The following DYNLT2B variants were observed in gnomAD, a reference collection of about 807,000 sequenced individuals.
DYNLT2B encodes dynein light chain Tctex-type 2B.
DYNLT2B carries 14 observed loss-of-function variants against 19.5 expected under a neutral mutation model. That is an observed-to-expected ratio of 0.72 (90% CI 0.47 to 1.12). The LOEUF is 1.12. DYNLT2B is among the 50% of genes most tolerant of loss of function. The pLI is 0.00. For missense variants in DYNLT2B, 133 were observed against 174.7 expected (o/e 0.76, Z 1.35); for synonymous variants, 70 against 59.7 (o/e 1.17, Z -0.79).
At chr3:196,310,471 C>T (rs2108796180) in intron 2 of DYNLT2B, among the ~76,000 whole-genome samples, 1 of 151,764 alleles carries the variant, frequency 6.6e-6, no homozygotes, top group South Asian at 2.1e-4. Flanking sequence ...CTCTGTCGCT[C>T]AGGCTGGAGT....
intron 2 of DYNLT2B, among the ~76,000 whole-genome samples, chr3:196,310,745 G>GT (rs1254198961): frequency 6.7e-6 from 1 of 150,058 alleles, no homozygotes; most frequent in African/African-American, 2.5e-5. Context: ...TTTTGTTTTT[G>GT]TTTTTTTGGA....
intron 2 of DYNLT2B, among the ~76,000 whole-genome samples, chr3:196,311,258 T>C (rs1012157747): frequency 4.0e-5 from 6 of 151,604 alleles, no homozygotes; most frequent in African/African-American, 1.5e-4. Context: ...CTACAAAAAA[T>C]ACAAAAATTA....
chr3:196,311,400 CAAA>C (rs530921121), intron 2 of DYNLT2B, among the ~76,000 whole-genome samples: 4 of 102,402 alleles, frequency 3.9e-5, no homozygotes, highest in African/African-American at 3.9e-5. Flanking sequence ...GACCCTGTCT[CAAA>C]AAAAAAAAAA....
At chr3:196,311,541 A>G (rs1474009773) in intron 2 of DYNLT2B, among the ~76,000 whole-genome samples, 1 of 152,168 alleles carries the variant, frequency 6.6e-6, no homozygotes, top group African/African-American at 2.4e-5. Context: ...ATTCAGAGAT[A>G]TAAGGAAATT....
In DYNLT2B at chr3:196,318,198, G is replaced by T. The variant is rs1343764898; in HGVS notation, c.-46C>A. ...GCGTAGCTCGCGATGAAGGCCTAGCGGGTTGCGGTCGCGGCCGGCAGCAGG... is the reference window on the plus strand; with the variant it reads ...GCGTAGCTCGCGATGAAGGCCTAGCTGGTTGCGGTCGCGGCCGGCAGCAGG... On this transcript the variant is annotated 5_prime_UTR_variant, in exon 1 of 5. Transcript: ENST00000325318. The T allele has an allele frequency of 4.9e-6, 6 of 1,224,794 alleles. No individual in the cohort carries two copies. The highest frequency in any genetic ancestry group is 6.6e-6 in the Non-Finnish European group (6 of 906,626). The allele number at this position is 1,224,794 out of a possible 1,614,324, so 75.9% of individuals were successfully genotyped here. A position where few individuals can be genotyped will look rare whatever the true frequency, so the allele number is the denominator to read the frequency against.
intron 2 of DYNLT2B, 50 bp from the exon 3 acceptor site, chr3:196,307,062 C>T: frequency 6.5e-7 from 1 of 1,539,184 alleles, no homozygotes; most frequent in South Asian, 1.1e-5. Context: ...AGTAAAATTA[C>T]TTATTGAAGA....
At chr3:196,301,421 TAAC>T (rs1438755871) in intron 3 of DYNLT2B, among the ~76,000 whole-genome samples, 1 of 151,984 alleles carries the variant, frequency 6.6e-6, no homozygotes, top group African/African-American at 2.4e-5. Flanking sequence ...AACATAAAAA[TAAC>T]TACTGTGGCT....
At chr3:196,292,192 T>C (rs568110173) in intron 4 of DYNLT2B, 11 of 152,318 alleles carry the variant, frequency 7.2e-5, no homozygotes, top group Middle Eastern at 3.4e-3. Flanking sequence ...TAGTTCAGAA[T>C]CACAAAATGC....
chr3:196,314,595 T>C (rs1726727094), intron 2 of DYNLT2B, among the ~76,000 whole-genome samples: 1 of 151,896 alleles, frequency 6.6e-6, no homozygotes, highest in Admixed American at 6.6e-5. Flanking sequence ...GGAGAATCAC[T>C]TGAGGCCAGG....
intron 2 of DYNLT2B, among the ~76,000 whole-genome samples, chr3:196,309,844 G>A (rs1266449010): frequency 1.3e-5 from 2 of 151,456 alleles, no homozygotes; most frequent in African/African-American, 4.8e-5. Flanking sequence ...AGCTACTTGG[G>A]AGGCTGAGCA....
chr3:196,312,830 T>G (rs1202152847), intron 2 of DYNLT2B, among the ~76,000 whole-genome samples: 1 of 152,136 alleles, frequency 6.6e-6, no homozygotes, highest in Non-Finnish European at 1.5e-5. Flanking sequence ...AATACGGCAT[T>G]TCTGAGTCCT....
At chr3:196,305,634 C>G (rs149931656) in intron 3 of DYNLT2B, 7,438 of 152,310 alleles carry the variant, frequency 0.049, 242 homozygotes, top group South Asian at 0.12. Flanking sequence ...AACCCCATCT[C>G]TACTAAAAAT....
At chr3:196,302,666 G>C (rs1726384398) in intron 3 of DYNLT2B, among the ~76,000 whole-genome samples, 1 of 152,170 alleles carries the variant, frequency 6.6e-6, no homozygotes, top group Admixed American at 6.6e-5. Context: ...CCCTTGAGGA[G>C]GTGGGTCATA....
chr3:196,318,171 G>T lies in DYNLT2B; in HGVS notation c.-19C>A. ...TGGCCATGCCGGGGCTTCTCGGTCCGGGCGTAGCTCGCGATGAAGGCCTAG... is the reference window on the plus strand; with the variant it reads ...TGGCCATGCCGGGGCTTCTCGGTCCTGGCGTAGCTCGCGATGAAGGCCTAG... On this transcript the variant is annotated 5_prime_UTR_variant, in exon 1 of 5. Transcript: ENST00000325318. 1.4e-6 allele frequency: 2 copies of T among 1,441,778 alleles called. No individual in the cohort carries two copies. Among genetic ancestry groups the T allele is most frequent in the East Asian group, 2.8e-5 (1 of 36,070 alleles). The allele number at this position is 1,441,778 out of a possible 1,614,324, so 89.3% of individuals were successfully genotyped here.
At chr3:196,317,369 AGTGTGTGT>A (rs56203830) in intron 1 of DYNLT2B, among the ~76,000 whole-genome samples, 5 of 15,976 alleles carry the variant, frequency 3.1e-4, no homozygotes, top group African/African-American at 5.1e-4. Flanking sequence ...TATTTTTTTC[AGTGTGTGT>A]GTGTGTGTGT....
chr3:196,298,298 T>C, intron 3 of DYNLT2B: 1 of 158,670 alleles, frequency 6.3e-6, no homozygotes, highest in Non-Finnish European at 1.4e-5. Flanking sequence ...GAGACCCCAA[T>C]TGTTTTATTT....
intron 2 of DYNLT2B, among the ~76,000 whole-genome samples, chr3:196,314,001 G>A (rs1726706818): frequency 6.6e-6 from 1 of 152,090 alleles, no homozygotes; most frequent in African/African-American, 2.4e-5. Context: ...AGGAGGCTGA[G>A]GCAGGAGAAT....
intron 2 of DYNLT2B, among the ~76,000 whole-genome samples, chr3:196,309,809 C>T (rs867679796): frequency 6.6e-6 from 1 of 151,120 alleles, no homozygotes. Flanking sequence ...ATTAGCAGGG[C>T]GTGGTGGTGC....
intron 3 of DYNLT2B, 127 bp from the exon 4 acceptor site, chr3:196,296,196 A>ACCTACCT: frequency 2.6e-6 from 2 of 764,402 alleles, no homozygotes; most frequent in Non-Finnish European, 4.5e-6. Context: ...TTTCACAGGT[A>ACCTACCT]GGTACCCACA....
Sources: allele counts gnomAD v4.1 joint callset (sites outside exome capture counted in the v4.1 genomes callset), GRCh38; gene constraint gnomAD v4.1.1; transcripts MANE v1.5; gene names NCBI Gene and HGNC (gene_info 2026-07-23, HGNC 2026-07-21).